SPACDR: variants seen among roughly 807,000 people sequenced by gnomAD.
The protein encoded by SPACDR is uncharacterized protein C7orf61.
chr7:100,459,894 T>C, the SPACDR span, among the ~76,000 whole-genome samples: 1 of 142,148 alleles, frequency 7.0e-6, no homozygotes, highest in African/African-American at 2.6e-5. Context: ...CACATTTAGA[T>C]TTTTTTTTTT....
the SPACDR span, among the ~76,000 whole-genome samples, chr7:100,458,319 G>A: frequency 1.3e-5 from 2 of 151,266 alleles, no homozygotes; most frequent in African/African-American, 2.4e-5. Flanking sequence ...TTTCCATCGG[G>A]CAGGAGAAAC....
chr7:100,457,366 T>G, the SPACDR span, among the ~76,000 whole-genome samples: 1 of 151,912 alleles, frequency 6.6e-6, no homozygotes, highest in Non-Finnish European at 1.5e-5. Flanking sequence ...TCACCCAGGC[T>G]GGAGTACAGT....
At chr7:100,456,627 T>C in the SPACDR span, 1 of 740,390 alleles carries the variant, frequency 1.4e-6, no homozygotes, top group South Asian at 1.9e-5. Flanking sequence ...GACTCAGAAC[T>C]ATCTGATATT....
the SPACDR span, chr7:100,463,762 G>A: frequency 7.3e-7 from 1 of 1,362,798 alleles, no homozygotes; most frequent in Non-Finnish European, 1.0e-6. Flanking sequence ...AGAAAAGAAG[G>A]CACAAAAGGG....
At chr7:100,457,803 A>ATGTGTGTGTGTGTGTGTG in the SPACDR span, among the ~76,000 whole-genome samples, 1,444 of 72,472 alleles carry the variant, frequency 0.02, 55 homozygotes, top group East Asian at 0.06. Flanking sequence ...ATATATATAT[A>ATGTGTGTGTGTGTGTGTG]TGTGTGTGTG....
At chr7:100,463,386 C>A in the SPACDR span, 4 of 1,599,832 alleles carry the variant, frequency 2.5e-6, no homozygotes, top group Non-Finnish European at 3.4e-6. Context: ...ATCTGCCAGC[C>A]GCTCTGCAGG....
At chr7:100,457,801 A>ATGTGTGTGTGTGTGTGTG in the SPACDR span, among the ~76,000 whole-genome samples, 595 of 74,174 alleles carry the variant, frequency 8.0e-3, 11 homozygotes, top group East Asian at 0.017. Flanking sequence ...TTATATATAT[A>ATGTGTGTGTGTGTGTGTG]TATGTGTGTG....
the SPACDR span, among the ~76,000 whole-genome samples, chr7:100,463,109 GAA>G: frequency 8.2e-5 from 11 of 134,866 alleles, no homozygotes; most frequent in African/African-American, 1.1e-4. Flanking sequence ...GTCTCAGGGA[GAA>G]AAAAAAAAAA....
the SPACDR span, chr7:100,457,113 C>CA: frequency 1.7e-6 from 1 of 602,858 alleles, no homozygotes; most frequent in Non-Finnish European, 2.9e-6. Flanking sequence ...CCAACTCATA[C>CA]ATCACCTCCT....
At chr7:100,460,168 C>T in the SPACDR span, among the ~76,000 whole-genome samples, 5 of 151,924 alleles carry the variant, frequency 3.3e-5, no homozygotes, top group East Asian at 3.9e-4. Context: ...GGATTACAGG[C>T]GTGAGCCACT....
chr7:100,457,803 A>ATATGTGTGTGTGTGTGTGTGTGTG, the SPACDR span, among the ~76,000 whole-genome samples: 1 of 72,586 alleles, frequency 1.4e-5, no homozygotes, highest in Non-Finnish European at 2.2e-5. Context: ...ATATATATAT[A>ATATGTGTGTGTGTGTGTGTGTGTG]TGTGTGTGTG....
the SPACDR span, among the ~76,000 whole-genome samples, chr7:100,462,429 G>A: frequency 6.6e-6 from 1 of 151,850 alleles, no homozygotes; most frequent in East Asian, 2.0e-4. Context: ...TAGCCAGTAT[G>A]GTCTCAATCT....
the SPACDR span, chr7:100,463,971 T>G: frequency 2.5e-6 from 4 of 1,607,986 alleles, no homozygotes; most frequent in South Asian, 4.5e-5. Context: ...ACCCAGGAAA[T>G]AATCCTTTGC....
At chr7:100,463,496 G>A in the SPACDR span, 5 of 1,613,948 alleles carry the variant, frequency 3.1e-6, no homozygotes, top group Non-Finnish European at 4.2e-6. Flanking sequence ...CTCCTCTGTA[G>A]TCTTGGCCAA....
the SPACDR span, among the ~76,000 whole-genome samples, chr7:100,458,076 C>T: frequency 7.9e-5 from 12 of 151,636 alleles, no homozygotes; most frequent in African/African-American, 2.9e-4. Context: ...GCACCCTTTA[C>T]TGAGTTCACC....
chr7:100,462,570 G>A, the SPACDR span, among the ~76,000 whole-genome samples: 1 of 151,772 alleles, frequency 6.6e-6, no homozygotes, highest in Admixed American at 6.6e-5. Context: ...AGGCTGGAGT[G>A]CAGTGGCACA....
the SPACDR span, chr7:100,457,080 C>T: frequency 1.3e-6 from 1 of 759,476 alleles, no homozygotes; most frequent in Non-Finnish European, 2.1e-6. Flanking sequence ...AAAGGGCTCC[C>T]TGATTCCACC....
chr7:100,457,118 C>A, the SPACDR span: 1 of 595,558 alleles, frequency 1.7e-6, no homozygotes, highest in Admixed American at 3.3e-5. Flanking sequence ...TCATACATCA[C>A]CTCCTCCAGA....
At chr7:100,457,839 GTGTA>G in the SPACDR span, among the ~76,000 whole-genome samples, 4 of 115,916 alleles carry the variant, frequency 3.5e-5, no homozygotes, top group Admixed American at 8.9e-5. Context: ...GTGTGTGTGT[GTGTA>G]TATATATATA....
Sources: allele counts gnomAD v4.1 joint callset (sites outside exome capture counted in the v4.1 genomes callset), GRCh38; gene constraint gnomAD v4.1.1; transcripts MANE v1.5; gene names NCBI Gene and HGNC (gene_info 2026-07-23, HGNC 2026-07-21).